The following GAB2 variants were observed in gnomAD, a reference collection of about 807,000 sequenced individuals.
GAB2 encodes the protein GRB2-associated-binding protein 2.
In GAB2, 26 loss-of-function variants were observed where a neutral mutation model predicts 65.5. The ratio of observed to expected loss-of-function variants is 0.40; its 90% CI spans 0.29 to 0.55. The LOEUF (loss-of-function observed/expected upper bound fraction) is 0.55. Among genes scored for constraint, GAB2 ranks in the 20% least tolerant of loss-of-function variants. The pLI, the probability that GAB2 is intolerant of heterozygous loss-of-function variation, is 0.53. For synonymous variants in GAB2, 321 were observed against 329.6 expected (o/e 0.97, Z 0.28); for missense variants, 884 against 875.8 (o/e 1.01, Z -0.12).
chr11:78,274,940 C>A (rs1314075756), intron 2 of GAB2, among the ~76,000 whole-genome samples: 1 of 152,204 alleles, frequency 6.6e-6, no homozygotes, highest in African/African-American at 2.4e-5. Flanking sequence ...GTCCCGTGTT[C>A]TAGCTGTGTG....
intron 2 of GAB2, among the ~76,000 whole-genome samples, chr11:78,279,275 TA>T (rs926716333): frequency 6.6e-6 from 1 of 152,094 alleles, no homozygotes; most frequent in Non-Finnish European, 1.5e-5. Flanking sequence ...AACTTCCTGT[TA>T]AAAAAACTAT....
In GAB2 at chr11:78,268,582, G is replaced by A. The variant is rs189045816; in HGVS notation, c.376+12019C>T. 1.0e-3 allele frequency among the ~76,000 whole-genome samples: 157 copies of A among 152,206 alleles called. 1 individual carries two copies. The highest frequency in any genetic ancestry group is 3.6e-3 in the African/African-American group (151 of 41,536). ...AGCACTCAACCAAAAAAGTAGGGGG[G>A]ATCTTATGAGATGTTTGGGAGCCAT... On this transcript the variant is annotated intron_variant, in intron 2 of 9. Coordinates refer to ENST00000361507, the MANE Select transcript of GAB2 (RefSeq NM_080491.3).
At chr11:78,376,932 G>A (rs1169491473) in intron 1 of GAB2, among the ~76,000 whole-genome samples, 1 of 152,186 alleles carries the variant, frequency 6.6e-6, no homozygotes, top group Non-Finnish European at 1.5e-5. Flanking sequence ...CTCATGGCTT[G>A]GTGCTGTGAG....
intron 3 of GAB2, among the ~76,000 whole-genome samples, chr11:78,235,178 A>T (rs1864950172): frequency 6.6e-6 from 1 of 151,866 alleles, no homozygotes; most frequent in South Asian, 2.1e-4. Flanking sequence ...TTTGAGACAG[A>T]GTCTCACTCT....
intron 1 of GAB2, among the ~76,000 whole-genome samples, chr11:78,298,201 A>G (rs1866893973): frequency 6.6e-6 from 1 of 152,216 alleles, no homozygotes; most frequent in Non-Finnish European, 1.5e-5. Flanking sequence ...AGGTATATAC[A>G]TTGAAGAGGG....
chr11:78,264,264 T>C (rs1024419647), intron 2 of GAB2, among the ~76,000 whole-genome samples: 1 of 152,098 alleles, frequency 6.6e-6, no homozygotes, highest in African/African-American at 2.4e-5. Flanking sequence ...TCTCTTTCCA[T>C]ATTCTGGGTC....
chr11:78,386,321 G>A lies in GAB2; in HGVS notation c.75+31325C>T, dbSNP rs114423851. On this transcript the variant is annotated intron_variant, in intron 1 of 9. Transcript: ENST00000361507. ...AATGTCTTCTGTCAAGGAATTACAA[G>A]TAGCAAGGGAAGGTCTGGCTACAAG... is the stretch of plus-strand genomic sequence containing the variant. Among the ~76,000 whole-genome samples the A allele has an allele frequency of 4.7e-3, 723 of 152,292 alleles. 5 individuals carry two copies. Among genetic ancestry groups the A allele is most frequent in the African/African-American group, 0.017 (686 of 41,564 alleles).
chr11:78,243,094 G>A (rs944153629), intron 3 of GAB2, among the ~76,000 whole-genome samples: 6 of 151,898 alleles, frequency 4.0e-5, no homozygotes, highest in Admixed American at 1.3e-4. Flanking sequence ...CCTGGGAGGC[G>A]GAGGTTGCAG....
intron 1 of GAB2, among the ~76,000 whole-genome samples, chr11:78,399,261 G>A (rs1223636033): frequency 6.6e-6 from 1 of 152,142 alleles, no homozygotes; most frequent in East Asian, 1.9e-4. Flanking sequence ...TCTAGCAAAG[G>A]GAGACTGATA....
chr11:78,242,585 G>A (rs1865169990), intron 3 of GAB2, among the ~76,000 whole-genome samples: 1 of 152,038 alleles, frequency 6.6e-6, no homozygotes, highest in Non-Finnish European at 1.5e-5. Context: ...CAAAGCCTAT[G>A]GAATACAGCA....
At chr11:78,301,209 G>T (rs1311166844) in intron 1 of GAB2, among the ~76,000 whole-genome samples, 2 of 152,088 alleles carry the variant, frequency 1.3e-5, no homozygotes, top group African/African-American at 4.8e-5. Context: ...CACATAATGG[G>T]AGCAAGGGAG....
chr11:78,256,012 A>G (rs1298044296), intron 2 of GAB2, among the ~76,000 whole-genome samples: 1 of 152,192 alleles, frequency 6.6e-6, no homozygotes, highest in Admixed American at 6.5e-5. Flanking sequence ...CTTCATCTGT[A>G]AAAAGGGACT....
At position 78,218,058 on chromosome 11, in the gene GAB2, G is replaced by A. The variant is rs981922854; in HGVS notation, c.*1214C>T. On this transcript the variant is annotated 3_prime_UTR_variant, in exon 10 of 10. Coordinates refer to ENST00000361507, the MANE Select transcript of GAB2 (RefSeq NM_080491.3). ...ACCCTGCACCCCCAAGGATTGCGTT[G>A]GGCACCCCCCAACTCCCAGGCCCTT... 6.5e-6 allele frequency: 1 copy of A among 152,884 alleles called. No homozygotes were observed. Among genetic ancestry groups the A allele is most frequent in the Non-Finnish European group, 1.5e-5 (1 of 68,488 alleles). 9.5% of individuals were successfully genotyped at this position (152,884 alleles called of 1,614,324 possible).
At chr11:78,311,089 A>C (rs1163496245) in intron 1 of GAB2, among the ~76,000 whole-genome samples, 1 of 152,202 alleles carries the variant, frequency 6.6e-6, no homozygotes, top group Non-Finnish European at 1.5e-5. Flanking sequence ...TCTCAGATCA[A>C]AAGGGCTTCT....
chr11:78,280,686 C>A lies in GAB2; in HGVS notation c.291G>T (p.Leu97=). The part of the protein sequence containing the change: ...DIKTSERTFY[L]VAETEEDMNK... ...TCATGTCCTCTTCTGTCTCAGCCACCAGGTAAAAGGTGCGTTCACTGGTCT... is the reference window on the plus strand; with the variant it reads ...TCATGTCCTCTTCTGTCTCAGCCACAAGGTAAAAGGTGCGTTCACTGGTCT... The change falls in exon 2 of 10, where the codon CTG becomes CTT. Residue 97 remains leucine, a synonymous_variant. Coordinates refer to ENST00000361507, the MANE Select transcript of GAB2 (RefSeq NM_080491.3). The A allele has an allele frequency of 6.2e-7, 1 of 1,614,132 alleles. No individual in the cohort carries two copies. The highest frequency in any genetic ancestry group is 8.5e-7 in the Non-Finnish European group (1 of 1,179,974).
At position 78,226,758 on chromosome 11, in the gene GAB2, T is replaced by A. The variant is rs1864674383; in HGVS notation, c.914A>T (p.Glu305Val). Reference sequence around the variant, plus strand: ...ATTGTCTACCAGGAGGTCCCCGAACTCCCTGCACAGGGTGTTGCTGGGCGT... The same window carrying A: ...ATTGTCTACCAGGAGGTCCCCGAACACCCTGCACAGGGTGTTGCTGGGCGT... ...FKTPSNTLCR[E>V]FGDLLVDNMD... The change falls in exon 4 of 10, where the codon GAG becomes GTG. Residue 305 changes from glutamate (E) to valine (V), a missense_variant. Coordinates refer to ENST00000361507, the MANE Select transcript of GAB2 (RefSeq NM_080491.3). 6.2e-7 allele frequency: 1 copy of A among 1,613,900 alleles called. No individual in the cohort carries two copies. The highest frequency in any genetic ancestry group is 1.3e-5 in the African/African-American group (1 of 74,882).
At chr11:78,328,009 G>T (rs1446560355) in intron 1 of GAB2, among the ~76,000 whole-genome samples, 1 of 152,142 alleles carries the variant, frequency 6.6e-6, no homozygotes, top group Non-Finnish European at 1.5e-5. Flanking sequence ...TGGGTGACAG[G>T]AAGGCCTAGA....
chr11:78,270,923 T>A (rs986401417), intron 2 of GAB2, among the ~76,000 whole-genome samples: 5 of 152,202 alleles, frequency 3.3e-5, no homozygotes, highest in Non-Finnish European at 5.9e-5. Context: ...TCAACATCAA[T>A]AAGGCAAATG....
chr11:78,331,704 C>G (rs903119978), intron 1 of GAB2, among the ~76,000 whole-genome samples: 9 of 152,008 alleles, frequency 5.9e-5, no homozygotes, highest in African/African-American at 2.2e-4. Flanking sequence ...GGAATAGTGC[C>G]CACGCTGCTC....
Sources: gnomAD v4.1 joint callset for allele counts (sites outside exome capture counted in the v4.1 genomes callset) on GRCh38, gnomAD v4.1.1 for gene constraint, MANE v1.5 for transcripts, NCBI Gene and HGNC (gene_info 2026-07-23, HGNC 2026-07-21) for gene names.